The following SGCG variants were observed in gnomAD, a reference collection of about 807,000 sequenced individuals.
SGCG encodes the protein sarcoglycan gamma, also known as gamma-sarcoglycan.
A neutral mutation model predicts 29.3 loss-of-function variants in SGCG; 26 were observed. The observed-to-expected ratio is 0.89, with a 90% CI of 0.65 to 1.23. SGCG has a LOEUF of 1.23. SGCG is among the 50% of genes most tolerant of loss of function. The probability of loss-of-function intolerance (pLI) is 0.00; values close to 1 mark genes in which losing one functional copy is unlikely to be tolerated. For missense variants in SGCG, 353 were observed against 356.0 expected, an observed-to-expected ratio of 0.99 and a Z score of 0.07; for synonymous variants, 145 against 129.7, an observed-to-expected ratio of 1.12 and a Z score of -0.80.
chr13:23,270,749 A>G (rs1272488503), intron 4 of SGCG, among the ~76,000 whole-genome samples: 1 of 152,162 alleles, frequency 6.6e-6, no homozygotes, highest in East Asian at 1.9e-4. Context: ...TCATTGCTTG[A>G]AAGACTTCCT....
At chr13:23,243,469 G>T (rs961390778) in intron 3 of SGCG, 8 of 152,230 alleles carry the variant, frequency 5.3e-5, no homozygotes, top group African/African-American at 1.9e-4. Flanking sequence ...TGTCCCGTGG[G>T]TACCCCTAGC....
At position 23,196,013 on chromosome 13, in the gene SGCG, T is replaced by C. The variant is rs112284180; in HGVS notation, c.1-7682T>C. Among the ~76,000 whole-genome samples, 450 of 152,122 alleles carry C rather than the reference T, an allele frequency of 3.0e-3. 4 individuals carry two copies. The highest frequency in any genetic ancestry group is 0.01 in the African/African-American group (416 of 41,546). On this transcript the variant is annotated intron_variant, in intron 1 of 7. Coordinates refer to ENST00000218867, the MANE Select transcript of SGCG (RefSeq NM_000231.3). ...ATTATAGGAGGAAATTATTAATAAT[T>C]TTTTAGTTTCCTTACAGTATTTTTC...
intron 1 of SGCG, among the ~76,000 whole-genome samples, chr13:23,202,546 G>A (rs538529): frequency 0.85 from 129,865 of 152,174 alleles, 55,685 homozygotes; most frequent in East Asian, 0.99. Flanking sequence ...AAGGAAGACT[G>A]GAGGAGTTCA....
chr13:23,220,002 A>ATT (rs71100162), intron 2 of SGCG, among the ~76,000 whole-genome samples: 85 of 148,956 alleles, frequency 5.7e-4, no homozygotes, highest in South Asian at 1.3e-3. Flanking sequence ...CGCCCGGTCA[A>ATT]TTTTTTTTTT....
intron 2 of SGCG, among the ~76,000 whole-genome samples, chr13:23,216,596 C>T (rs1358866662): frequency 6.6e-6 from 1 of 152,094 alleles, no homozygotes; most frequent in Non-Finnish European, 1.5e-5. Flanking sequence ...ATTTTTCCAT[C>T]TCTTTGCAAA....
At chr13:23,248,395 T>C (rs1158883798) in intron 3 of SGCG, among the ~76,000 whole-genome samples, 1 of 151,820 alleles carries the variant, frequency 6.6e-6, no homozygotes, top group Non-Finnish European at 1.5e-5. Flanking sequence ...TTATCAAGAG[T>C]AGCCTAAATC....
intron 6 of SGCG, among the ~76,000 whole-genome samples, chr13:23,317,020 C>T (rs1051479445): frequency 1.3e-5 from 2 of 152,098 alleles, no homozygotes; most frequent in Non-Finnish European, 2.9e-5. Flanking sequence ...TCCTGGCTAA[C>T]ACAGTGAAAG....
intron 4 of SGCG, among the ~76,000 whole-genome samples, chr13:23,257,426 G>A (rs939940008): frequency 3.3e-5 from 5 of 151,924 alleles, no homozygotes; most frequent in Non-Finnish European, 7.4e-5. Context: ...CCACCCCATG[G>A]ACAGGGGTGG....
At chr13:23,297,229 TA>T (rs1468664127) in intron 6 of SGCG, among the ~76,000 whole-genome samples, 2 of 121,160 alleles carry the variant, frequency 1.7e-5, no homozygotes, top group Admixed American at 8.8e-5. Context: ...GACAATCTTT[TA>T]TTTTTTTTTT....
chr13:23,165,265 G>A, the SGCG span, among the ~76,000 whole-genome samples: 1 of 152,172 alleles, frequency 6.6e-6, no homozygotes, highest in South Asian at 2.1e-4. Flanking sequence ...TTTGGGTAAA[G>A]AGTGTTTTCA....
At chr13:23,168,679 A>G in the SGCG span, among the ~76,000 whole-genome samples, 191 of 152,330 alleles carry the variant, frequency 1.3e-3, no homozygotes, top group African/African-American at 3.8e-3. Flanking sequence ...CAAGAACTAC[A>G]TTTGTCATCT....
intron 3 of SGCG, among the ~76,000 whole-genome samples, chr13:23,242,435 T>C (rs1879546777): frequency 2.0e-5 from 3 of 152,160 alleles, no homozygotes; most frequent in Non-Finnish European, 2.9e-5. Context: ...GGTCTTTTTA[T>C]ACACCTCTTT....
chr13:23,191,796 G>C (rs964527160), intron 1 of SGCG, among the ~76,000 whole-genome samples: 1 of 152,122 alleles, frequency 6.6e-6, no homozygotes, highest in African/African-American at 2.4e-5. Context: ...TTTATATGAC[G>C]TCAAGCCCTA....
At chr13:23,265,262 A>G (rs1211308247) in intron 4 of SGCG, among the ~76,000 whole-genome samples, 2 of 152,320 alleles carry the variant, frequency 1.3e-5, no homozygotes, top group Middle Eastern at 3.4e-3. Context: ...GCAAGAAAAA[A>G]AAAATGAATA....
At chr13:23,305,767 A>G (rs569410566) in intron 6 of SGCG, among the ~76,000 whole-genome samples, 1 of 152,356 alleles carries the variant, frequency 6.6e-6, no homozygotes, top group East Asian at 1.9e-4. Context: ...TCTCTTAGAT[A>G]TATTAATATG....
chr13:23,306,182 TTAAG>T (rs1882355083), intron 6 of SGCG, among the ~76,000 whole-genome samples: 2 of 152,144 alleles, frequency 1.3e-5, no homozygotes, highest in Admixed American at 6.5e-5. Context: ...ATTATAAAGT[TTAAG>T]TAACCCTGTT....
At chr13:23,165,873 A>C in the SGCG span, among the ~76,000 whole-genome samples, 1,502 of 152,194 alleles carry the variant, frequency 9.9e-3, 18 homozygotes, top group African/African-American at 0.033. Context: ...TAAAGCAGTC[A>C]ATTTTTATAT....
At chr13:23,190,870 C>T (rs1877220613) in intron 1 of SGCG, among the ~76,000 whole-genome samples, 1 of 152,088 alleles carries the variant, frequency 6.6e-6, no homozygotes, top group African/African-American at 2.4e-5. Context: ...TAATAAATGG[C>T]CCTGTAAAAT....
At chr13:23,161,947 C>T in the SGCG span, among the ~76,000 whole-genome samples, 1 of 152,230 alleles carries the variant, frequency 6.6e-6, no homozygotes, top group East Asian at 1.9e-4. Flanking sequence ...CACGACTGTA[C>T]TCTGTCAATC....
Sources: gnomAD v4.1 joint callset for allele counts (sites outside exome capture counted in the v4.1 genomes callset) on GRCh38, gnomAD v4.1.1 for gene constraint, MANE v1.5 for transcripts, NCBI Gene and HGNC (gene_info 2026-07-23, HGNC 2026-07-21) for gene names.